Variants in DCDC2C observed in about 807,000 individuals in gnomAD.
DCDC2C encodes the protein doublecortin domain-containing protein 2C.
A neutral mutation model predicts 45.0 loss-of-function variants in DCDC2C; 44 were observed. The observed-to-expected ratio is 0.98, with a 90% CI of 0.77 to 1.26. The LOEUF (loss-of-function observed/expected upper bound fraction) is 1.26, where lower values mean the gene tolerates loss of function less well. Ranked by LOEUF, DCDC2C falls within the 50% of genes most tolerant of loss-of-function variation. The pLI is 0.00. For missense variants in DCDC2C, 447 were observed against 468.9 expected, an observed-to-expected ratio of 0.95 and a Z score of 0.43; for synonymous variants, 187 against 178.8, an observed-to-expected ratio of 1.05 and a Z score of -0.37.
intron 10 of DCDC2C, among the ~76,000 whole-genome samples, chr2:3,843,852 G>T (rs1306747706): frequency 6.6e-6 from 1 of 152,044 alleles, no homozygotes; most frequent in Non-Finnish European, 1.5e-5. Context: ...TTCTCTGATG[G>T]TACCTCATCA....
intron 2 of DCDC2C, among the ~76,000 whole-genome samples, chr2:3,718,817 A>C (rs2148057782): frequency 6.6e-6 from 1 of 152,298 alleles, no homozygotes; most frequent in Middle Eastern, 3.4e-3. Flanking sequence ...GTGTTACTTA[A>C]AGGTGGCACG....
chr2:3,722,630 T>C (rs1276158055), intron 2 of DCDC2C, among the ~76,000 whole-genome samples: 1 of 152,230 alleles, frequency 6.6e-6, no homozygotes, highest in Non-Finnish European at 1.5e-5. Context: ...AGTCTTTGGC[T>C]CTGACAAGTG....
At chr2:3,833,207 G>A (rs1671995011) in intron 10 of DCDC2C, among the ~76,000 whole-genome samples, 1 of 152,184 alleles carries the variant, frequency 6.6e-6, no homozygotes, top group Non-Finnish European at 1.5e-5. Flanking sequence ...TTGTGATTAT[G>A]TTGGGCACTC....
At chr2:3,767,450 A>C (rs1670043782) in intron 6 of DCDC2C, among the ~76,000 whole-genome samples, 1 of 152,232 alleles carries the variant, frequency 6.6e-6, no homozygotes, top group Non-Finnish European at 1.5e-5. Context: ...GTTCCTCTAA[A>C]GCAAGCCCTT....
intron 3 of DCDC2C, among the ~76,000 whole-genome samples, chr2:3,727,354 A>G (rs184506839): frequency 1.3e-5 from 2 of 152,342 alleles, no homozygotes; most frequent in Admixed American, 6.5e-5. Flanking sequence ...TTGTTTGCAG[A>G]ACAGTTCACC....
At chr2:3,832,150 C>T (rs1671965788) in intron 10 of DCDC2C, among the ~76,000 whole-genome samples, 1 of 152,206 alleles carries the variant, frequency 6.6e-6, no homozygotes. Context: ...GAAATCAAAA[C>T]ATCTGCCAAC....
chr2:3,810,164 G>A (rs1334841109), intron 10 of DCDC2C, among the ~76,000 whole-genome samples: 4 of 152,108 alleles, frequency 2.6e-5, no homozygotes, highest in Non-Finnish European at 2.9e-5. Flanking sequence ...TTGAGGAATC[G>A]CCATACCGTC....
intron 10 of DCDC2C, among the ~76,000 whole-genome samples, chr2:3,821,592 T>A (rs1158294444): frequency 6.6e-6 from 1 of 152,252 alleles, no homozygotes; most frequent in East Asian, 1.9e-4. Context: ...CATGAATGGA[T>A]GTTGAATTTT....
intron 3 of DCDC2C, among the ~76,000 whole-genome samples, chr2:3,737,062 C>T (rs924798691): frequency 6.6e-6 from 1 of 152,108 alleles, no homozygotes; most frequent in African/African-American, 2.4e-5. Flanking sequence ...CTAATGGCTC[C>T]ATCCAATCCA....
intron 4 of DCDC2C, among the ~76,000 whole-genome samples, chr2:3,746,864 T>C (rs961230332): frequency 2.0e-5 from 3 of 151,878 alleles, no homozygotes; most frequent in African/African-American, 7.3e-5. Flanking sequence ...TTCATAGAGG[T>C]GGCGGATCTG....
intron 10 of DCDC2C, among the ~76,000 whole-genome samples, chr2:3,790,126 G>A (rs1670765809): frequency 6.6e-6 from 1 of 152,184 alleles, no homozygotes; most frequent in Non-Finnish European, 1.5e-5. Flanking sequence ...TCCCAAGGAG[G>A]CTCTCGTGCT....
At chr2:3,801,775 C>A (rs555938621) in intron 10 of DCDC2C, among the ~76,000 whole-genome samples, 1 of 152,352 alleles carries the variant, frequency 6.6e-6, no homozygotes, top group African/African-American at 2.4e-5. Context: ...CTGCAGCATG[C>A]ATGCTGACCC....
intron 10 of DCDC2C, among the ~76,000 whole-genome samples, chr2:3,836,694 T>C (rs1672083088): frequency 6.6e-6 from 1 of 151,944 alleles, no homozygotes; most frequent in Admixed American, 6.5e-5. Flanking sequence ...AACCCTGTCT[T>C]GACTAAAAAT....
In DCDC2C at chr2:3,763,050, G is replaced by C. The variant is rs943792354; in HGVS notation, c.727-4704G>C. ...GACCTTGAGTGCTTGGGTTATGTCT[G>C]TACACTGCCCACTGATTCTCCTGAG... On this transcript the variant is annotated intron_variant, in intron 6 of 10. Transcript: ENST00000399143. 2.0e-5 allele frequency among the ~76,000 whole-genome samples: 3 copies of C among 152,098 alleles called. No individual in the cohort carries two copies. In the East Asian group the frequency reaches 5.8e-4, roughly 29 times the overall value.
intron 10 of DCDC2C, among the ~76,000 whole-genome samples, chr2:3,820,896 G>A (rs932755879): frequency 6.6e-6 from 1 of 151,924 alleles, no homozygotes; most frequent in African/African-American, 2.4e-5. Context: ...TGAGGGCAAG[G>A]ACAGGGGACC....
chr2:3,767,748 C>T lies in DCDC2C; in HGVS notation c.727-6C>T. ...ATGGACTTTCTCTTCTTCATTTGTC[C>T]TGTAGGTGGACTCCAAAGGAAAAGA... On this transcript the variant is annotated splice_region_variant and splice_polypyrimidine_tract_variant and intron_variant, in intron 6 of 10. Coordinates refer to ENST00000399143, the MANE Select transcript of DCDC2C (RefSeq NM_001287444.2). The T allele has an allele frequency of 6.5e-7, 1 of 1,550,316 alleles. No individual in the cohort carries two copies. The highest frequency in any genetic ancestry group is 2.0e-5 in the Admixed American group (1 of 50,964).
At chr2:3,831,318 G>C (rs1248319312) in intron 10 of DCDC2C, among the ~76,000 whole-genome samples, 1 of 152,184 alleles carries the variant, frequency 6.6e-6, no homozygotes, top group Non-Finnish European at 1.5e-5. Context: ...CTGCCCTTGT[G>C]CAAACGTCAG....
At chr2:3,727,940 C>T (rs757844318) in intron 3 of DCDC2C, among the ~76,000 whole-genome samples, 13 of 152,190 alleles carry the variant, frequency 8.5e-5, no homozygotes, top group Non-Finnish European at 1.6e-4. Flanking sequence ...GCTCTTCCCC[C>T]TGTCCTTTTA....
At chr2:3,828,524 C>T (rs892114218) in intron 10 of DCDC2C, among the ~76,000 whole-genome samples, 2 of 152,200 alleles carry the variant, frequency 1.3e-5, no homozygotes, top group African/African-American at 4.8e-5. Flanking sequence ...TTACAGCCTT[C>T]AAAGTCTCTG....
Sources: gnomAD v4.1 joint callset for allele counts (sites outside exome capture counted in the v4.1 genomes callset) on GRCh38, gnomAD v4.1.1 for gene constraint, MANE v1.5 for transcripts, NCBI Gene and HGNC (gene_info 2026-07-23, HGNC 2026-07-21) for gene names.